The following NCAM2 variants were observed in gnomAD, a reference collection of about 807,000 sequenced individuals.
The protein encoded by NCAM2 is neural cell adhesion molecule 2.
In NCAM2, 30 loss-of-function variants were observed where a neutral mutation model predicts 98.1. The ratio of observed to expected loss-of-function variants is 0.31; its 90% CI spans 0.23 to 0.41. The LOEUF (loss-of-function observed/expected upper bound fraction) is 0.41. NCAM2 is among the 10% of genes least tolerant of loss of function. NCAM2 has a pLI of 1.00. For missense variants in NCAM2, 867 were observed against 1,005.8 expected (o/e 0.86, Z 1.87); for synonymous variants, 368 against 342.4 (o/e 1.07, Z -0.83).
Position 21,326,448 on chromosome 21 carries a change from C to T in NCAM2, c.737+1948C>T, listed in dbSNP as rs538316341. On this transcript the variant is annotated intron_variant, in intron 6 of 17. Coordinates refer to ENST00000400546, the MANE Select transcript of NCAM2 (RefSeq NM_004540.5). Reference sequence around the variant, plus strand: ...CAGTTTAGTTGTCTGCAGCACAACCCTTTCAAATAACAGCTTACCAATTAC... The same window carrying T: ...CAGTTTAGTTGTCTGCAGCACAACCTTTTCAAATAACAGCTTACCAATTAC... Among the ~76,000 whole-genome samples, 141 of 152,260 alleles carry T rather than the reference C, an allele frequency of 9.3e-4. 1 individual carries two copies. In the Middle Eastern group the frequency reaches 0.02, roughly 22 times the overall value.
chr21:21,115,585 A>G (rs977126924), intron 1 of NCAM2, among the ~76,000 whole-genome samples: 1 of 152,156 alleles, frequency 6.6e-6, no homozygotes, highest in Non-Finnish European at 1.5e-5. Context: ...GAATAAGTTC[A>G]TGGAATGTCC....
At chr21:21,153,914 GGA>G (rs769302875) in intron 1 of NCAM2, among the ~76,000 whole-genome samples, 4 of 151,836 alleles carry the variant, frequency 2.6e-5, no homozygotes, top group Middle Eastern at 3.4e-3. Flanking sequence ...ATAAAGTGTG[GGA>G]GAGAGAGAAG....
At chr21:21,529,910 T>C (rs1989530099) in intron 16 of NCAM2, among the ~76,000 whole-genome samples, 1 of 151,124 alleles carries the variant, frequency 6.6e-6, no homozygotes, top group Non-Finnish European at 1.5e-5. Flanking sequence ...AGGGGCAGAA[T>C]GCATTTAGAC....
intron 8 of NCAM2, among the ~76,000 whole-genome samples, chr21:21,362,426 G>T (rs555670143): frequency 1.3e-4 from 19 of 150,002 alleles, no homozygotes; most frequent in Admixed American, 2.7e-4. Flanking sequence ...ACAGGGTCTT[G>T]CTCTTTCACC....
At chr21:21,116,718 G>C (rs906741139) in intron 1 of NCAM2, among the ~76,000 whole-genome samples, 4 of 152,090 alleles carry the variant, frequency 2.6e-5, no homozygotes, top group Admixed American at 2.0e-4. Context: ...AGCTGGGTGC[G>C]GTGGCAGGCA....
intron 16 of NCAM2, among the ~76,000 whole-genome samples, chr21:21,533,768 GGTT>G (rs1007539904): frequency 2.5e-4 from 36 of 146,910 alleles, no homozygotes; most frequent in African/African-American, 7.8e-4. Context: ...CTCTTTTTTT[GGTT>G]GTTGTTCAGT....
chr21:21,141,982 A>T (rs2146657240), intron 1 of NCAM2, among the ~76,000 whole-genome samples: 1 of 152,300 alleles, frequency 6.6e-6, no homozygotes, highest in East Asian at 1.9e-4. Context: ...GATAGAGATA[A>T]ATGGATGAAA....
intron 1 of NCAM2, among the ~76,000 whole-genome samples, chr21:21,250,072 T>A (rs1483625983): frequency 1.3e-5 from 2 of 152,198 alleles, no homozygotes; most frequent in Non-Finnish European, 2.9e-5. Flanking sequence ...GCCTAAGTGA[T>A]AGCTAATATA....
chr21:21,523,590 A>G (rs1007797498), intron 16 of NCAM2, among the ~76,000 whole-genome samples: 1 of 152,016 alleles, frequency 6.6e-6, no homozygotes, highest in Non-Finnish European at 1.5e-5. Flanking sequence ...GTATTATATT[A>G]TGTGTATATA....
At chr21:21,468,535 A>G in intron 13 of NCAM2, 127 bp from the exon 14 acceptor site, 1 of 833,052 alleles carries the variant, frequency 1.2e-6, no homozygotes, top group East Asian at 3.1e-5. Flanking sequence ...CAAAAGGGCA[A>G]TGTCAAATGG....
In NCAM2 at chr21:20,998,550, G is replaced by A. The variant is rs2063960286; in HGVS notation, c.-14G>A. ...AATAACTTTGAAACTGTCCACCGGT[G>A]TCACGTCCTGAACATGAGCCTCCTC... On this transcript the variant is annotated 5_prime_UTR_variant, in exon 1 of 18. Transcript: ENST00000400546. 1.2e-6 allele frequency: 2 copies of A among 1,613,684 alleles called. No homozygotes were observed. Among genetic ancestry groups the A allele is most frequent in the African/African-American group, 1.3e-5 (1 of 75,026 alleles).
rs774758486 is a variant in NCAM2, at chr21:21,335,552, G to A, written c.785G>A (p.Ser262Asn). 3 of 1,608,880 alleles carry A rather than the reference G, an allele frequency of 1.9e-6. No homozygotes were observed. The highest frequency in any genetic ancestry group is 1.1e-5 in the South Asian group (1 of 90,390). Residue 262 changes from serine to asparagine, a missense_variant, in exon 7 of 18, where the codon AGC becomes AAC. Physicochemically the swap from Ser to Asn is conservative, Grantham distance 46. Around this residue, in one of 5 missense-constraint regions of NCAM2, gnomAD observed 447 missense variants for 495.7 expected, o/e 0.90. Coordinates refer to ENST00000400546, the MANE Select transcript of NCAM2 (RefSeq NM_004540.5). ...EENEKYILKGSNTELTVRNII... is the reference protein window; with the variant it reads ...EENEKYILKGNNTELTVRNII... ...AATGAGAAGTACATATTGAAAGGGA[G>A]CAATACAGAACTCACTGTCAGGAAC...
At chr21:21,466,558 T>C (rs1349630371) in intron 12 of NCAM2, 48 bp from the exon 13 acceptor site, 5 of 1,336,894 alleles carry the variant, frequency 3.7e-6, no homozygotes, top group Non-Finnish European at 5.1e-6. Context: ...CAATTAGATA[T>C]ATATGTATAT....
chr21:21,141,556 G>A (rs1476606740), intron 1 of NCAM2, among the ~76,000 whole-genome samples: 3 of 152,124 alleles, frequency 2.0e-5, no homozygotes, highest in Non-Finnish European at 2.9e-5. Context: ...ACCTTTATTA[G>A]TAATTAGTAG....
chr21:21,415,258 T>A (rs1485172845), intron 10 of NCAM2, among the ~76,000 whole-genome samples: 1 of 149,414 alleles, frequency 6.7e-6, no homozygotes, highest in African/African-American at 2.4e-5. Context: ...CTTCTTGCAA[T>A]AGAAAACTGT....
chr21:21,534,473 T>G, intron 16 of NCAM2, 64 bp from the exon 17 acceptor site: 1 of 1,334,076 alleles, frequency 7.5e-7, no homozygotes, highest in Non-Finnish European at 9.9e-7. Context: ...TTAAACTCTG[T>G]TTTTTTCCAT....
intron 16 of NCAM2, among the ~76,000 whole-genome samples, chr21:21,524,941 A>AT (rs909985003): frequency 2.0e-5 from 3 of 152,170 alleles, no homozygotes; most frequent in Non-Finnish European, 2.9e-5. Flanking sequence ...CTCAAAAGAA[A>AT]TTTTTAAATA....
chr21:21,536,479 C>G (rs1053413129), intron 17 of NCAM2, among the ~76,000 whole-genome samples: 3 of 151,656 alleles, frequency 2.0e-5, no homozygotes, highest in Non-Finnish European at 4.4e-5. Context: ...TCAACCTCCG[C>G]CTCCCAGGTT....
intron 1 of NCAM2, among the ~76,000 whole-genome samples, chr21:21,220,748 G>GT (rs1396353854): frequency 6.6e-6 from 1 of 152,024 alleles, no homozygotes; most frequent in African/African-American, 2.4e-5. Context: ...ATCGTAGAAT[G>GT]TAAATTCTGA....
Sources: allele counts gnomAD v4.1 joint callset (sites outside exome capture counted in the v4.1 genomes callset), GRCh38; gene constraint gnomAD v4.1.1; regional missense constraint gnomAD v4.1.1; transcripts MANE v1.5; gene names NCBI Gene and HGNC (gene_info 2026-07-23, HGNC 2026-07-21).